NUDT3: variants seen among roughly 807,000 people sequenced by gnomAD.
NUDT3 encodes the protein diphosphoinositol polyphosphate phosphohydrolase 1.
NUDT3 carries 9 observed loss-of-function variants against 23.6 expected under a neutral mutation model. That is an observed-to-expected ratio of 0.38 (90% CI 0.23 to 0.66). The LOEUF (loss-of-function observed/expected upper bound fraction) is 0.66, where lower values mean the gene tolerates loss of function less well. Ranked by LOEUF, NUDT3 falls within the 30% of genes least tolerant of loss-of-function variation. NUDT3 has a pLI of 0.52. For missense variants in NUDT3, 172 were observed against 218.5 expected (o/e 0.79, Z 1.34); for synonymous variants, 86 against 82.6 (o/e 1.04, Z -0.22).
intron 1 of NUDT3, among the ~76,000 whole-genome samples, chr6:34,370,211 T>C (rs1027237885): frequency 3.3e-5 from 5 of 152,214 alleles, no homozygotes; most frequent in African/African-American, 4.8e-5. Flanking sequence ...TCCACTATGC[T>C]CTATGAATCT....
At chr6:34,297,993 G>A (rs1020727431) in intron 2 of NUDT3, among the ~76,000 whole-genome samples, 4 of 151,514 alleles carry the variant, frequency 2.6e-5, no homozygotes, top group Admixed American at 2.0e-4. Flanking sequence ...TCTTAAACTA[G>A]AAGTTTATGA....
At chr6:34,382,125 G>C (rs531960310) in intron 1 of NUDT3, among the ~76,000 whole-genome samples, 1 of 150,924 alleles carries the variant, frequency 6.6e-6, no homozygotes, top group East Asian at 1.9e-4. Flanking sequence ...GGCCAGATGT[G>C]GTGGCTCGTG....
At chr6:34,314,896 A>G (rs953432383) in intron 2 of NUDT3, among the ~76,000 whole-genome samples, 1 of 152,190 alleles carries the variant, frequency 6.6e-6, no homozygotes, top group Non-Finnish European at 1.5e-5. Flanking sequence ...TGATATCTAG[A>G]GATGATAAAT....
rs777481868 is a variant in NUDT3 at position 34,288,889 on chromosome 6, A to C, written c.383T>G (p.Val128Gly). 8 of 1,613,510 alleles carry C rather than the reference A, an allele frequency of 5.0e-6. No individual in the cohort carries two copies. Among genetic ancestry groups the C allele is most frequent in the African/African-American group, 1.3e-5 (1 of 74,878 alleles). ...EWFKIEDAIK[V>G]LQYHKPVQAS... ...CTGCACGGGTTTGTGATACTGCAGC[A>C]CTTTTATGGCGTCTTCTATTTTAAA... is the stretch of plus-strand genomic sequence containing the variant. The change falls in exon 5 of 5, where the codon GTG becomes GGG. Residue 128 changes from valine (V) to glycine (G), a missense_variant. Val to Gly is a moderately radical substitution (Grantham distance 109, BLOSUM62 -3). This residue lies in a region of NUDT3 where 63 missense variants were observed against 64.9 expected (regional missense o/e 0.97). Transcript: ENST00000607016.
chr6:34,297,760 A>ATATATTTTTTTTT (rs1763535832), intron 2 of NUDT3, among the ~76,000 whole-genome samples: 2 of 53,654 alleles, frequency 3.7e-5, no homozygotes, highest in Non-Finnish European at 6.2e-5. Context: ...TATATATATA[A>ATATATTTTTTTTT]TTTTTTTTTT....
chr6:34,334,888 A>G (rs1204029591), intron 2 of NUDT3, among the ~76,000 whole-genome samples: 2 of 151,620 alleles, frequency 1.3e-5, no homozygotes, highest in Admixed American at 1.3e-4. Context: ...AACTATGACC[A>G]TATCACTGCA....
chr6:34,281,073 G>C lies in NUDT3; in HGVS notation c.*7680C>G, dbSNP rs1763273841. 2 of 152,246 alleles carry C rather than the reference G, an allele frequency of 1.3e-5. No individual in the cohort carries two copies. Among genetic ancestry groups the C allele is most frequent in the South Asian group, 4.1e-4 (2 of 4,834 alleles). The allele number at this position is 152,246 out of a possible 1,614,324, so 9.4% of individuals were successfully genotyped here. A position where few individuals can be genotyped will look rare whatever the true frequency, so the allele number is the denominator to read the frequency against. On this transcript the variant is annotated 3_prime_UTR_variant, in exon 5 of 5. Transcript: ENST00000607016. ...TGGCACACCTGGAAAAGGGGAGAAA[G>C]CACACTAGTTCATCTCTTTTATAAG...
chr6:34,292,631 G>A (rs1190568512), intron 4 of NUDT3, among the ~76,000 whole-genome samples: 1 of 150,704 alleles, frequency 6.6e-6, no homozygotes, highest in African/African-American at 2.4e-5. Flanking sequence ...ATATATTATA[G>A]ATATATTCAT....
chr6:34,326,741 T>C (rs928406330), intron 2 of NUDT3, among the ~76,000 whole-genome samples: 1 of 152,014 alleles, frequency 6.6e-6, no homozygotes, highest in Non-Finnish European at 1.5e-5. Context: ...ACTGGGATTA[T>C]AGGCACCCGC....
chr6:34,293,413 G>C, intron 4 of NUDT3, 38 bp downstream of exon 4: 1 of 1,612,040 alleles, frequency 6.2e-7, no homozygotes, highest in South Asian at 1.1e-5. Flanking sequence ...AGGGCTGGTT[G>C]TGAGGAACCC....
intron 1 of NUDT3, among the ~76,000 whole-genome samples, chr6:34,344,606 G>A (rs1764336644): frequency 6.6e-6 from 1 of 152,140 alleles, no homozygotes; most frequent in South Asian, 2.1e-4. Context: ...GAAAATGAAA[G>A]TATTCAGAAA....
At chr6:34,304,954 G>C (rs1287526276) in intron 2 of NUDT3, among the ~76,000 whole-genome samples, 1 of 147,516 alleles carries the variant, frequency 6.8e-6, no homozygotes. Flanking sequence ...TTATAGGCAT[G>C]AGCCACTGTG....
Position 34,392,335 on chromosome 6 carries a change from G to C in NUDT3, c.28C>G (p.Arg10Gly). MMKLKSNQT[R>G]TYDGDGYKKR... is the part of the protein sequence containing the mutation. ...TTGTAGCCGTCGCCGTCGTAGGTGC[G>C]GGTCTGGTTCGACTTGAGCTTCATC... Residue 10 changes from arginine (R) to glycine (G), a missense_variant, in exon 1 of 5, where the codon CGC becomes GGC. Transcript: ENST00000607016. 6.2e-7 allele frequency: 1 copy of C among 1,605,944 alleles called. No homozygotes were observed. Among genetic ancestry groups the C allele is most frequent in the Non-Finnish European group, 8.5e-7 (1 of 1,177,382 alleles).
chr6:34,386,124 T>A (rs766953987), intron 1 of NUDT3, among the ~76,000 whole-genome samples: 2 of 152,202 alleles, frequency 1.3e-5, no homozygotes, highest in Non-Finnish European at 2.9e-5. Context: ...CTGGTTGGGG[T>A]ACACCAGACC....
intron 1 of NUDT3, among the ~76,000 whole-genome samples, chr6:34,376,402 CTGAG>C (rs1764923497): frequency 6.6e-6 from 1 of 152,288 alleles, no homozygotes; most frequent in Admixed American, 6.5e-5. Flanking sequence ...CCTCAGCCTC[CTGAG>C]TAACTGGGAC....
Position 34,288,761 on chromosome 6 carries a change from T to G in NUDT3, c.511A>C (p.Ile171Leu). The stretch of plus-strand genomic sequence containing the variant: ...TTACAGGAAGTCTTCAGTCATCTGA[T>G]GCCTGACATCGAGCTCTGAGCAGAA... ...SVSAQSSMSG[I>L]R Residue 171 changes from isoleucine to leucine, a missense_variant, in exon 5 of 5, where the codon ATC (isoleucine) becomes CTC (leucine). Ile to Leu is a conservative substitution (Grantham distance 5, BLOSUM62 2). Transcript: ENST00000607016. The G allele has an allele frequency of 6.2e-7, 1 of 1,609,286 alleles. No individual in the cohort carries two copies. The highest frequency in any genetic ancestry group is 1.7e-5 in the Admixed American group (1 of 58,392).
chr6:34,347,584 T>C (rs1231818172), intron 1 of NUDT3, among the ~76,000 whole-genome samples: 2 of 152,128 alleles, frequency 1.3e-5, no homozygotes, highest in African/African-American at 4.8e-5. Flanking sequence ...ATGTGTGCAG[T>C]GAAATGATAA....
At chr6:34,346,149 A>G (rs1017298457) in intron 1 of NUDT3, among the ~76,000 whole-genome samples, 6 of 152,172 alleles carry the variant, frequency 3.9e-5, no homozygotes, top group Non-Finnish European at 7.3e-5. Flanking sequence ...ATTTTACAAC[A>G]TTCTTTATCA....
intron 4 of NUDT3, among the ~76,000 whole-genome samples, chr6:34,293,067 T>G (rs74487574): frequency 0.096 from 14,585 of 152,204 alleles, 806 homozygotes; most frequent in Non-Finnish European, 0.12. Context: ...TGTTCTGTTT[T>G]TTTGTTTGTT....
Sources: allele counts gnomAD v4.1 joint callset (sites outside exome capture counted in the v4.1 genomes callset), GRCh38; gene constraint gnomAD v4.1.1; regional missense constraint gnomAD v4.1.1; transcripts MANE v1.5; gene names NCBI Gene and HGNC (gene_info 2026-07-23, HGNC 2026-07-21).